The following MYO10 variants were observed in gnomAD, a reference collection of about 807,000 sequenced individuals.
MYO10 encodes unconventional myosin-X.
Under a neutral mutation model 257.3 loss-of-function variants are expected in MYO10, and 133 were observed. The observed-to-expected ratio is 0.52, with a 90% CI of 0.45 to 0.60. The LOEUF is 0.60. Ranked by LOEUF, MYO10 falls within the 20% of genes least tolerant of loss-of-function variation. The pLI is 0.00. For synonymous variants in MYO10, 1,104 were observed against 1,028.6 expected (o/e 1.07, Z -1.40); for missense variants, 2,399 against 2,635.7 (o/e 0.91, Z 1.97).
In MYO10 at chr5:16,802,284, C is replaced by T. The variant is rs111608654; in HGVS notation, c.280-7451G>A. On this transcript the variant is annotated intron_variant, in intron 3 of 40. Transcript: ENST00000513610. Reference sequence around the variant, plus strand: ...GTAACGTAAATATACTTAACGCTATCGAACTGTGCATTAACAACGGCTGTG... The same window carrying T: ...GTAACGTAAATATACTTAACGCTATTGAACTGTGCATTAACAACGGCTGTG... Among the ~76,000 whole-genome samples the T allele has an allele frequency of 1.2e-4, 18 of 152,122 alleles. 1 individual carries two copies. Among genetic ancestry groups the T allele is most frequent in the African/African-American group, 3.9e-4 (16 of 41,482 alleles).
intron 19 of MYO10, chr5:16,741,777 C>A: frequency 1.0e-6 from 1 of 982,640 alleles, no homozygotes; most frequent in Non-Finnish European, 1.2e-6. Flanking sequence ...AACTTTTAAG[C>A]AGAACAAGAA....
At chr5:16,738,632 G>A (rs986455524) in intron 19 of MYO10, among the ~76,000 whole-genome samples, 7 of 151,942 alleles carry the variant, frequency 4.6e-5, no homozygotes, top group African/African-American at 1.4e-4. Context: ...GTGACTCAGG[G>A]CTGTAATCCC....
intron 38 of MYO10, 86 bp downstream of exon 38, chr5:16,671,336 G>C (rs1736449974): frequency 6.7e-7 from 1 of 1,485,876 alleles, no homozygotes; most frequent in Admixed American, 2.0e-5. Flanking sequence ...TCATTTCTAA[G>C]TACCAGTTAA....
At chr5:16,768,006 C>T (rs555503584) in intron 10 of MYO10, among the ~76,000 whole-genome samples, 74 of 152,098 alleles carry the variant, frequency 4.9e-4, no homozygotes, top group African/African-American at 1.8e-3. Flanking sequence ...ATGTGGTAAA[C>T]ATCAACAGAT....
At position 16,680,112 on chromosome 5, in the gene MYO10, G is replaced by A. The variant is rs769206096; in HGVS notation, c.4385-8C>T. On this transcript the variant is annotated splice_region_variant and splice_polypyrimidine_tract_variant and intron_variant, in intron 32 of 40. Transcript: ENST00000513610. ...CGGTGACGTTCCAGTAGCCTGCAAT[G>A]GCAGGGGTGCCCAGCACACGCACGT... 1.9e-6 allele frequency: 3 copies of A among 1,606,220 alleles called. No individual in the cohort carries two copies. Among genetic ancestry groups the A allele is most frequent in the East Asian group, 4.5e-5 (2 of 44,608 alleles).
chr5:16,884,044 CT>C (rs1744830135), intron 1 of MYO10, among the ~76,000 whole-genome samples: 1 of 152,174 alleles, frequency 6.6e-6, no homozygotes, highest in Non-Finnish European at 1.5e-5. Context: ...CTCTGGCCAC[CT>C]ACATGACAAA....
chr5:16,774,907 C>G lies in MYO10; in HGVS notation c.930+4638G>C, dbSNP rs74692849. On this transcript the variant is annotated intron_variant, in intron 9 of 40. Coordinates refer to ENST00000513610, the MANE Select transcript of MYO10 (RefSeq NM_012334.3). ...CTCATGACAAATGAATTCACGCATG[C>G]GTACACAAGGTCACACACCATTCAA... is the stretch of plus-strand genomic sequence containing the variant. Among the ~76,000 whole-genome samples, 975 of 152,242 alleles carry G rather than the reference C, an allele frequency of 6.4e-3. 12 individuals carry two copies. The highest frequency in any genetic ancestry group is 0.022 in the African/African-American group (920 of 41,538).
intron 1 of MYO10, among the ~76,000 whole-genome samples, chr5:16,891,294 T>G (rs1745041255): frequency 7.4e-6 from 1 of 134,628 alleles, no homozygotes; most frequent in African/African-American, 3.0e-5. Flanking sequence ...GACTCCGTCT[T>G]GAAAGAGAGA....
In MYO10 at chr5:16,674,892, C is replaced by T; in HGVS notation, c.4925G>A (p.Ser1642Asn). Residue 1642 changes from serine (S) to asparagine (N), a missense_variant, in exon 35 of 41, where the codon AGT becomes AAT. By Grantham distance (46) the Ser-to-Asn change is conservative. Transcript: ENST00000513610. Reference sequence around the variant, plus strand: ...CTTGAGATACTTGAGAATCCCTCGACTCGGCAGGAAGGTGCAGCTCAGGCA... The same window carrying T: ...CTTGAGATACTTGAGAATCCCTCGATTCGGCAGGAAGGTGCAGCTCAGGCA... Reference protein sequence around the residue: ...LTCLSCTFLPSRGILKYLKFH... With the variant: ...LTCLSCTFLPNRGILKYLKFH... The T allele has an allele frequency of 6.2e-7, 1 of 1,614,014 alleles. No homozygotes were observed. The highest frequency in any genetic ancestry group is 2.2e-5 in the East Asian group (1 of 44,888).
chr5:16,897,300 C>T (rs1256839054), intron 1 of MYO10, among the ~76,000 whole-genome samples: 1 of 95,908 alleles, frequency 1.0e-5, no homozygotes, highest in Non-Finnish European at 2.5e-5. Flanking sequence ...ATTTACACTT[C>T]GTAAAAAAAA....
chr5:16,808,651 C>T (rs1709308271), intron 3 of MYO10, among the ~76,000 whole-genome samples: 1 of 151,972 alleles, frequency 6.6e-6, no homozygotes, highest in South Asian at 2.1e-4. Context: ...AAATTCTCTC[C>T]TGATTGAAAG....
At chr5:16,798,848 G>A (rs1362932183) in intron 3 of MYO10, among the ~76,000 whole-genome samples, 9 of 152,042 alleles carry the variant, frequency 5.9e-5, no homozygotes, top group African/African-American at 1.5e-4. Flanking sequence ...CCATCAACAC[G>A]GCGGGCTCAA....
intron 19 of MYO10, among the ~76,000 whole-genome samples, chr5:16,737,169 G>A (rs1739837423): frequency 6.6e-6 from 1 of 152,144 alleles, no homozygotes; most frequent in African/African-American, 2.4e-5. Context: ...TGGAGGGTGA[G>A]GGGAAAAATG....
At position 16,877,773 on chromosome 5, in the gene MYO10, G is replaced by A. The variant is rs534415879; in HGVS notation, c.22-66C>T. On this transcript the variant is annotated intron_variant, in intron 1 of 40. Coordinates refer to ENST00000513610, the MANE Select transcript of MYO10 (RefSeq NM_012334.3). Reference sequence around the variant, plus strand: ...CATTTTGTGGCGAAACTGTACTGTCGAAATTACCCTAACTCCTATATTCCT... The same window carrying A: ...CATTTTGTGGCGAAACTGTACTGTCAAAATTACCCTAACTCCTATATTCCT... 101 of 1,207,110 alleles carry A rather than the reference G, an allele frequency of 8.4e-5. 1 individual carries two copies. The highest frequency in any genetic ancestry group is 6.1e-4 in the African/African-American group (41 of 66,914). The allele number at this position is 1,207,110 out of a possible 1,614,324, so 74.8% of individuals were successfully genotyped here. A position where few individuals can be genotyped will look rare whatever the true frequency, so the allele number is the denominator to read the frequency against.
intron 32 of MYO10, 55 bp downstream of exon 32, chr5:16,681,254 G>C: frequency 6.6e-7 from 1 of 1,525,080 alleles, no homozygotes; most frequent in Non-Finnish European, 8.9e-7. Flanking sequence ...TTTGCCCGGA[G>C]CAAGCCCAGA....
intron 3 of MYO10, among the ~76,000 whole-genome samples, chr5:16,795,724 G>C (rs751570509): frequency 1.3e-5 from 2 of 151,992 alleles, no homozygotes; most frequent in African/African-American, 2.4e-5. Context: ...ACCCAGGCTA[G>C]TCTCGAACTC....
rs1019953190 is a variant in MYO10, at chr5:16,662,255, G to A, written c.*4437C>T. On this transcript the variant is annotated 3_prime_UTR_variant, in exon 41 of 41. Coordinates refer to ENST00000513610, the MANE Select transcript of MYO10 (RefSeq NM_012334.3). ...ATAGCAGATTTTTGACCCCAATTTA[G>A]TGTGCTATCTGAATAAAAGGCTTAG... 3 of 147,698 alleles carry A rather than the reference G, an allele frequency of 2.0e-5. No homozygotes were observed. Among genetic ancestry groups the A allele is most frequent in the African/African-American group, 5.0e-5 (2 of 40,058 alleles). 9.1% of individuals were successfully genotyped at this position (147,698 alleles called of 1,614,324 possible). A position where few individuals can be genotyped will look rare whatever the true frequency, so the allele number is the denominator to read the frequency against.
intron 1 of MYO10, among the ~76,000 whole-genome samples, chr5:16,924,136 T>C (rs113718831): frequency 1.0e-3 from 158 of 152,276 alleles, no homozygotes; most frequent in African/African-American, 3.7e-3. Flanking sequence ...CAAATGAATG[T>C]CCACTGGCTC....
intron 2 of MYO10, among the ~76,000 whole-genome samples, chr5:16,868,779 T>C (rs1744361621): frequency 6.6e-6 from 1 of 152,142 alleles, no homozygotes; most frequent in Admixed American, 6.5e-5. Flanking sequence ...TGCTCATTTC[T>C]TTTTCCATCT....
Sources: gnomAD v4.1 joint callset for allele counts (sites outside exome capture counted in the v4.1 genomes callset) on GRCh38, gnomAD v4.1.1 for gene constraint, MANE v1.5 for transcripts, NCBI Gene and HGNC (gene_info 2026-07-23, HGNC 2026-07-21) for gene names.